Variants in GSE1 observed in about 807,000 individuals in gnomAD.
GSE1 encodes genetic suppressor element 1.
Under a neutral mutation model 112.6 loss-of-function variants are expected in GSE1, and 32 were observed. The observed-to-expected ratio is 0.28, with a 90% CI of 0.21 to 0.38. The LOEUF (loss-of-function observed/expected upper bound fraction) is 0.38. Among genes scored for constraint, GSE1 ranks in the 10% least tolerant of loss-of-function variants. The probability of loss-of-function intolerance (pLI) is 1.00; values close to 1 mark genes in which losing one functional copy is unlikely to be tolerated. For missense variants in GSE1, 2,348 were observed against 1,699.2 expected, an observed-to-expected ratio of 1.38 and a Z score of -6.71; for synonymous variants, 1,115 against 735.6, an observed-to-expected ratio of 1.52 and a Z score of -8.35.
intron 1 of GSE1, among the ~76,000 whole-genome samples, chr16:85,239,472 C>T (rs1183338446): frequency 2.0e-5 from 3 of 152,222 alleles, no homozygotes; most frequent in Non-Finnish European, 2.9e-5. Flanking sequence ...TGAGAAGGGA[C>T]ACTGACCTGT....
chr16:85,319,069 G>C (rs934426185), intron 1 of GSE1, among the ~76,000 whole-genome samples: 1 of 152,140 alleles, frequency 6.6e-6, no homozygotes, highest in Admixed American at 6.5e-5. Flanking sequence ...GGTGACATTA[G>C]ATGTGAACTT....
intron 1 of GSE1, among the ~76,000 whole-genome samples, chr16:85,238,145 G>A (rs1904852361): frequency 6.6e-6 from 1 of 152,154 alleles, no homozygotes; most frequent in African/African-American, 2.4e-5. Flanking sequence ...GCCTGGGGGT[G>A]GGTGGGTGCA....
In GSE1 at chr16:85,614,152, G is replaced by GC. The variant is rs1193359809; in HGVS notation, c.7+760dup. ...GTGGGAGAGGGATTGCACATCCGCC[G>GC]CCCCCCACCCGCACTGGCCTTTTTC... is the stretch of plus-strand genomic sequence containing the variant. On this transcript the variant is annotated intron_variant, in intron 1 of 15. Coordinates refer to ENST00000253458, the MANE Select transcript of GSE1 (RefSeq NM_014615.5). Among the ~76,000 whole-genome samples, 4 of 130,562 alleles carry GC rather than the reference G, an allele frequency of 3.1e-5. No homozygotes were observed. The East Asian group carries it at 1.0e-3, about 33-fold the overall frequency. The allele number at this position is 130,562 out of a possible 152,430, so 85.7% of individuals were successfully genotyped here.
intron 2 of GSE1, among the ~76,000 whole-genome samples, chr16:85,473,529 C>T (rs1255968479): frequency 2.0e-5 from 3 of 152,204 alleles, no homozygotes; most frequent in East Asian, 1.9e-4. Context: ...CTGCCTCTGC[C>T]GGCTCCCCCT....
chr16:85,465,735 T>C (rs143933256), intron 2 of GSE1, among the ~76,000 whole-genome samples: 1 of 152,360 alleles, frequency 6.6e-6, no homozygotes, highest in Non-Finnish European at 1.5e-5. Context: ...CATACATTTG[T>C]ACCTATTTTC....
intron 1 of GSE1, among the ~76,000 whole-genome samples, chr16:85,290,013 G>A (rs1419762508): frequency 6.6e-6 from 1 of 152,206 alleles, no homozygotes; most frequent in East Asian, 1.9e-4. Context: ...TGGGTGTTAA[G>A]AAGGCCGGGG....
intron 1 of GSE1, among the ~76,000 whole-genome samples, chr16:85,305,555 A>G (rs1472484160): frequency 6.6e-6 from 1 of 151,950 alleles, no homozygotes; most frequent in Non-Finnish European, 1.5e-5. Flanking sequence ...GTCTCAGCTC[A>G]CTGCAACCTC....
At chr16:85,624,617 C>G (rs969992657) in intron 1 of GSE1, among the ~76,000 whole-genome samples, 1 of 152,232 alleles carries the variant, frequency 6.6e-6, no homozygotes, top group Non-Finnish European at 1.5e-5. Flanking sequence ...ATGGCCAGGA[C>G]AGCTGGGTTT....
intron 2 of GSE1, among the ~76,000 whole-genome samples, chr16:85,457,886 G>C (rs1332224300): frequency 2.0e-5 from 3 of 152,212 alleles, no homozygotes; most frequent in Non-Finnish European, 2.9e-5. Context: ...CTGTGCGGAG[G>C]CTTTCCATAC....
At chr16:85,465,978 C>G (rs2050110469) in intron 2 of GSE1, among the ~76,000 whole-genome samples, 1 of 152,220 alleles carries the variant, frequency 6.6e-6, no homozygotes, top group Admixed American at 6.5e-5. Context: ...TTTGGGATGC[C>G]TTAAAATTGT....
At chr16:85,629,748 G>C (rs1390915705) in intron 1 of GSE1, among the ~76,000 whole-genome samples, 1 of 152,184 alleles carries the variant, frequency 6.6e-6, no homozygotes. Flanking sequence ...GACATGTTTT[G>C]GAGACTCTGG....
intron 9 of GSE1, 132 bp from the exon 10 acceptor site, chr16:85,662,849 C>G (rs2052543793): frequency 1.5e-6 from 1 of 645,504 alleles, no homozygotes; most frequent in South Asian, 1.8e-5. Flanking sequence ...TTGAAAGGAA[C>G]TGGCCTTCAG....
chr16:85,185,932 G>C (rs1219512917), intron 1 of GSE1, among the ~76,000 whole-genome samples: 2 of 152,244 alleles, frequency 1.3e-5, no homozygotes, highest in African/African-American at 4.8e-5. Flanking sequence ...CTCTGCCGAG[G>C]GCGCGGAGGC....
At chr16:85,590,381 TTG>T (rs200238143) in intron 1 of GSE1, among the ~76,000 whole-genome samples, 3 of 145,586 alleles carry the variant, frequency 2.1e-5, no homozygotes, top group Non-Finnish European at 3.0e-5. Context: ...GTGTGTGAGA[TTG>T]TGTGAACATG....
At chr16:85,302,230 G>A (rs887094109) in intron 1 of GSE1, among the ~76,000 whole-genome samples, 3 of 152,178 alleles carry the variant, frequency 2.0e-5, no homozygotes, top group African/African-American at 7.2e-5. Flanking sequence ...TCGCTTGGCG[G>A]TTCAGCTTTC....
intron 1 of GSE1, among the ~76,000 whole-genome samples, chr16:85,325,819 C>T (rs957702471): frequency 4.7e-5 from 7 of 150,152 alleles, no homozygotes; most frequent in Non-Finnish European, 1.0e-4. Context: ...TGCAGTGGCA[C>T]GATCTCAGCT....
At chr16:85,266,418 C>T (rs1258879758) in intron 1 of GSE1, among the ~76,000 whole-genome samples, 1 of 152,196 alleles carries the variant, frequency 6.6e-6, no homozygotes, top group East Asian at 1.9e-4. Context: ...TCTAACTGGA[C>T]AGGGATGGCA....
intron 1 of GSE1, among the ~76,000 whole-genome samples, chr16:85,216,446 A>G (rs577719587): frequency 1.3e-5 from 2 of 152,368 alleles, no homozygotes; most frequent in South Asian, 2.1e-4. Flanking sequence ...CTCTATTACC[A>G]TATCTAATAG....
intron 1 of GSE1, among the ~76,000 whole-genome samples, chr16:85,326,769 A>C (rs1385586878): frequency 6.6e-6 from 1 of 152,230 alleles, no homozygotes; most frequent in African/African-American, 2.4e-5. Context: ...GCTCCTGTCC[A>C]GGGTAGAAGC....
Sources: gnomAD v4.1 joint callset for allele counts (sites outside exome capture counted in the v4.1 genomes callset) on GRCh38, gnomAD v4.1.1 for gene constraint, MANE v1.5 for transcripts, NCBI Gene and HGNC (gene_info 2026-07-23, HGNC 2026-07-21) for gene names.